The following TENM4 variants were observed in gnomAD, a reference collection of about 807,000 sequenced individuals.
TENM4 encodes teneurin-4.
In TENM4, 82 loss-of-function variants were observed where a neutral mutation model predicts 243.3. The observed-to-expected ratio is 0.34, with a 90% CI of 0.28 to 0.40. TENM4 has a LOEUF of 0.40. TENM4 is among the 10% of genes least tolerant of loss of function. The probability of loss-of-function intolerance (pLI) is 1.00; values close to 1 mark genes in which losing one functional copy is unlikely to be tolerated. For missense variants in TENM4, 3,138 were observed against 3,673.3 expected, an observed-to-expected ratio of 0.85 and a Z score of 3.77; for synonymous variants, 1,412 against 1,456.3, an observed-to-expected ratio of 0.97 and a Z score of 0.69.
At chr11:78,943,027 G>A (rs1856935903) in intron 6 of TENM4, among the ~76,000 whole-genome samples, 1 of 152,094 alleles carries the variant, frequency 6.6e-6, no homozygotes, top group South Asian at 2.1e-4. Context: ...TCGGTGCATG[G>A]TCCTGCGAGG....
intron 1 of TENM4, among the ~76,000 whole-genome samples, chr11:79,313,722 C>A (rs1457459084): frequency 6.6e-6 from 1 of 152,170 alleles, no homozygotes; most frequent in Non-Finnish European, 1.5e-5. Context: ...TCTATCATCA[C>A]CGAGCTCCAG....
At chr11:79,138,413 ATATAT>A (rs1179551633) in intron 4 of TENM4, among the ~76,000 whole-genome samples, 4 of 115,130 alleles carry the variant, frequency 3.5e-5, no homozygotes, top group Non-Finnish European at 4.9e-5. Flanking sequence ...TAAATAAAAT[ATATAT>A]TATATTATAT....
chr11:79,006,264 C>T (rs1312363624), intron 6 of TENM4, among the ~76,000 whole-genome samples: 1 of 152,070 alleles, frequency 6.6e-6, no homozygotes, highest in Non-Finnish European at 1.5e-5. Context: ...AAATTGCAAC[C>T]CCAAGAAAAT....
At chr11:78,895,198 C>T (rs924503704) in intron 7 of TENM4, among the ~76,000 whole-genome samples, 22 of 151,536 alleles carry the variant, frequency 1.5e-4, no homozygotes, top group African/African-American at 5.1e-4. Flanking sequence ...TAGCTAGGCA[C>T]GGTGGCGGGT....
intron 1 of TENM4, among the ~76,000 whole-genome samples, chr11:79,354,785 A>C (rs1196871220): frequency 2.0e-5 from 3 of 152,168 alleles, no homozygotes; most frequent in Non-Finnish European, 4.4e-5. Flanking sequence ...ATATGCAAAG[A>C]AGCCCCAAAA....
At chr11:79,039,448 G>A (rs1384292460) in intron 6 of TENM4, among the ~76,000 whole-genome samples, 1 of 152,230 alleles carries the variant, frequency 6.6e-6, no homozygotes, top group Non-Finnish European at 1.5e-5. Flanking sequence ...TTTAGGCTCT[G>A]TGGGCAAGAA....
At chr11:78,747,890 T>G (rs1590990024) in intron 19 of TENM4, among the ~76,000 whole-genome samples, 3 of 152,362 alleles carry the variant, frequency 2.0e-5, no homozygotes, top group Middle Eastern at 3.4e-3. Flanking sequence ...GTTTATAGTT[T>G]GAGATATACG....
chr11:79,331,125 G>A (rs1185485141), intron 1 of TENM4, among the ~76,000 whole-genome samples: 2 of 152,064 alleles, frequency 1.3e-5, no homozygotes, highest in African/African-American at 2.4e-5. Flanking sequence ...GTGTAGGGAC[G>A]GAGGCATGGC....
intron 2 of TENM4, among the ~76,000 whole-genome samples, chr11:79,289,184 A>G (rs990290649): frequency 3.9e-5 from 6 of 152,208 alleles, no homozygotes; most frequent in African/African-American, 1.4e-4. Context: ...GATGATTGAT[A>G]ATGTTTATCC....
In TENM4 at chr11:78,932,468, G is replaced by T. The variant is rs76685037; in HGVS notation, c.494-28945C>A. Among the ~76,000 whole-genome samples, 5 of 152,286 alleles carry T rather than the reference G, an allele frequency of 3.3e-5. No homozygotes were observed. In the East Asian group the frequency reaches 7.7e-4, roughly 24 times the overall value. On this transcript the variant is annotated intron_variant, in intron 6 of 33. Coordinates refer to ENST00000278550, the MANE Select transcript of TENM4 (RefSeq NM_001098816.3). Reference sequence around the variant, plus strand: ...GGGAGGCCAGAAGGGTTCTGGAAGTGTTCCGAGAAGATCTCTGACTACTCT... The same window carrying T: ...GGGAGGCCAGAAGGGTTCTGGAAGTTTTCCGAGAAGATCTCTGACTACTCT...
intron 4 of TENM4, among the ~76,000 whole-genome samples, chr11:79,075,266 C>T (rs991064620): frequency 3.9e-5 from 6 of 152,200 alleles, no homozygotes; most frequent in African/African-American, 1.4e-4. Flanking sequence ...GGCTTGCAGT[C>T]ACACAGGAAG....
chr11:78,745,006 C>T (rs773417665), intron 19 of TENM4, among the ~76,000 whole-genome samples: 2 of 152,072 alleles, frequency 1.3e-5, no homozygotes, highest in Non-Finnish European at 2.9e-5. Context: ...CTTGTACTCG[C>T]ACTATTAGTA....
chr11:79,123,592 G>T (rs1376672147), intron 4 of TENM4, among the ~76,000 whole-genome samples: 1 of 132,542 alleles, frequency 7.5e-6, no homozygotes, highest in Non-Finnish European at 1.6e-5. Context: ...GACAAACGCA[G>T]TAGCCCCTTT....
chr11:78,909,110 C>T (rs1856125681), intron 6 of TENM4, among the ~76,000 whole-genome samples: 1 of 152,160 alleles, frequency 6.6e-6, no homozygotes, highest in South Asian at 2.1e-4. Flanking sequence ...AGAATATGGA[C>T]TACCGTAGGT....
At chr11:78,787,403 C>G (rs539947108) in intron 15 of TENM4, among the ~76,000 whole-genome samples, 1 of 152,330 alleles carries the variant, frequency 6.6e-6, no homozygotes, top group Non-Finnish European at 1.5e-5. Context: ...GCCAACCTGT[C>G]CCTGCCTTTG....
chr11:79,407,920 T>A (rs1219264133), intron 1 of TENM4, among the ~76,000 whole-genome samples: 1 of 151,850 alleles, frequency 6.6e-6, no homozygotes, highest in Non-Finnish European at 1.5e-5. Flanking sequence ...TTTTTTTTTT[T>A]TTTAAGAGAG....
At chr11:79,348,814 C>T (rs1040334187) in intron 1 of TENM4, among the ~76,000 whole-genome samples, 1 of 152,188 alleles carries the variant, frequency 6.6e-6, no homozygotes, top group Non-Finnish European at 1.5e-5. Flanking sequence ...ACCTTATCTT[C>T]TCTATGCCTC....
chr11:78,677,910 C>T (rs1189919297), intron 29 of TENM4, among the ~76,000 whole-genome samples: 1 of 121,750 alleles, frequency 8.2e-6, no homozygotes, highest in Non-Finnish European at 1.7e-5. Flanking sequence ...TCTCCCAATG[C>T]TATCCCTCCC....
intron 6 of TENM4, among the ~76,000 whole-genome samples, chr11:79,001,364 TG>T (rs1228858236): frequency 2.0e-5 from 3 of 152,006 alleles, no homozygotes; most frequent in Non-Finnish European, 4.4e-5. Flanking sequence ...GAACCCTGCA[TG>T]GGGCTACTGA....
Sources: allele counts gnomAD v4.1 joint callset (sites outside exome capture counted in the v4.1 genomes callset), GRCh38; gene constraint gnomAD v4.1.1; transcripts MANE v1.5; gene names NCBI Gene and HGNC (gene_info 2026-07-23, HGNC 2026-07-21).